The following EPB41L4A variants were observed in gnomAD, a reference collection of about 807,000 sequenced individuals.
The protein encoded by EPB41L4A is band 4.1-like protein 4A.
In EPB41L4A, 100 loss-of-function variants were observed where a neutral mutation model predicts 108.6. The ratio of observed to expected loss-of-function variants is 0.92; its 90% CI spans 0.78 to 1.09. The LOEUF (loss-of-function observed/expected upper bound fraction) is 1.09, where lower values mean the gene tolerates loss of function less well. Among genes scored for constraint, EPB41L4A ranks in the 50% least tolerant of loss-of-function variants. The pLI, the probability that EPB41L4A is intolerant of heterozygous loss-of-function variation, is 0.00. For synonymous variants in EPB41L4A, 319 were observed against 289.0 expected (o/e 1.10, Z -1.05); for missense variants, 1,030 against 842.7 (o/e 1.22, Z -2.75).
intron 17 of EPB41L4A, among the ~76,000 whole-genome samples, chr5:112,187,765 T>A (rs568153747): frequency 1.7e-4 from 26 of 152,194 alleles, no homozygotes; most frequent in Non-Finnish European, 2.9e-4. Flanking sequence ...AAGTTCTTAA[T>A]TCACTTCTAA....
At chr5:112,414,844 T>G (rs1001695891) in intron 1 of EPB41L4A, among the ~76,000 whole-genome samples, 2 of 152,174 alleles carry the variant, frequency 1.3e-5, no homozygotes, top group African/African-American at 4.8e-5. Context: ...CTTTTGAATT[T>G]TAGAAAACTG....
rs1288983970 is a variant in EPB41L4A, at chr5:112,413,344, C to A, written c.99+5597G>T. ...TACAAAAATTAGAGTATCTTGACAA[C>A]AGATTTTTCACAGTGGGATTCACTT... On this transcript the variant is annotated intron_variant, in intron 1 of 22. Coordinates refer to ENST00000261486, the MANE Select transcript of EPB41L4A (RefSeq NM_022140.5). Among the ~76,000 whole-genome samples the A allele has an allele frequency of 9.8e-5, 15 of 152,328 alleles. 1 individual carries two copies. The East Asian group carries it at 1.7e-3, about 18-fold the overall frequency.
At chr5:112,211,014 G>A (rs1389838191) in intron 12 of EPB41L4A, among the ~76,000 whole-genome samples, 1 of 151,690 alleles carries the variant, frequency 6.6e-6, no homozygotes, top group Non-Finnish European at 1.5e-5. Flanking sequence ...CTTACTATGT[G>A]TCAGGTACTA....
intron 12 of EPB41L4A, among the ~76,000 whole-genome samples, chr5:112,211,669 A>T (rs1762752250): frequency 6.6e-6 from 1 of 152,064 alleles, no homozygotes; most frequent in African/African-American, 2.4e-5. Flanking sequence ...AGAGGACAAG[A>T]CAAGAGAAAC....
At chr5:112,182,755 T>C (rs763039174) in intron 18 of EPB41L4A, among the ~76,000 whole-genome samples, 19 of 152,176 alleles carry the variant, frequency 1.2e-4, no homozygotes, top group Non-Finnish European at 2.1e-4. Flanking sequence ...GTAAAGTCCT[T>C]CAGTGAGGTC....
chr5:112,352,272 C>T (rs1292994472), intron 1 of EPB41L4A, among the ~76,000 whole-genome samples: 4 of 152,014 alleles, frequency 2.6e-5, no homozygotes, highest in Non-Finnish European at 4.4e-5. Context: ...TATAAGCTTC[C>T]CTCTTAGCAC....
At chr5:112,387,089 G>A (rs998555715) in intron 1 of EPB41L4A, among the ~76,000 whole-genome samples, 20 of 152,110 alleles carry the variant, frequency 1.3e-4, no homozygotes, top group African/African-American at 2.2e-4. Flanking sequence ...CACACTCCCC[G>A]GCCTCTCCAG....
chr5:112,332,918 G>C (rs550869539), intron 1 of EPB41L4A, among the ~76,000 whole-genome samples: 1 of 152,260 alleles, frequency 6.6e-6, no homozygotes, highest in African/African-American at 2.4e-5. Context: ...CAAGACATTA[G>C]TGCCCAAGGT....
chr5:112,287,881 T>G (rs564947361), intron 2 of EPB41L4A, among the ~76,000 whole-genome samples: 2 of 152,292 alleles, frequency 1.3e-5, no homozygotes, highest in Admixed American at 1.3e-4. Context: ...AATTGCTGAT[T>G]GGCTTCATTT....
intron 1 of EPB41L4A, among the ~76,000 whole-genome samples, chr5:112,357,666 G>C (rs1758449905): frequency 6.6e-6 from 1 of 152,112 alleles, no homozygotes; most frequent in Admixed American, 6.5e-5. Flanking sequence ...ACATTTGCTT[G>C]TCCTCTTTAC....
At chr5:112,217,545 T>C (rs1257856102) in intron 12 of EPB41L4A, among the ~76,000 whole-genome samples, 2 of 152,100 alleles carry the variant, frequency 1.3e-5, no homozygotes, top group African/African-American at 4.8e-5. Flanking sequence ...AAAAAAAGTT[T>C]TTTTAATTAG....
intron 1 of EPB41L4A, among the ~76,000 whole-genome samples, chr5:112,391,574 G>C (rs1417460441): frequency 6.6e-6 from 1 of 152,156 alleles, no homozygotes; most frequent in African/African-American, 2.4e-5. Flanking sequence ...AGAAATATGG[G>C]ACTATGTGAA....
downstream of EPB41L4A, among the ~76,000 whole-genome samples, chr5:112,157,772 T>G (rs1208761713): frequency 6.6e-6 from 1 of 152,234 alleles, no homozygotes; most frequent in Non-Finnish European, 1.5e-5. Flanking sequence ...ATGCACCATA[T>G]TCACAGGTTC....
At chr5:112,258,942 T>C (rs1433493214) in intron 9 of EPB41L4A, among the ~76,000 whole-genome samples, 1 of 152,208 alleles carries the variant, frequency 6.6e-6, no homozygotes, top group Non-Finnish European at 1.5e-5. Context: ...CAGAGAGTAC[T>C]GGAAAGCAAA....
At chr5:112,278,174 T>C (rs1432060853) in intron 3 of EPB41L4A, among the ~76,000 whole-genome samples, 1 of 152,214 alleles carries the variant, frequency 6.6e-6, no homozygotes, top group African/African-American at 2.4e-5. Flanking sequence ...AATAATTTCA[T>C]GAGATAAAAT....
intron 1 of EPB41L4A, among the ~76,000 whole-genome samples, chr5:112,370,248 G>C (rs1759404249): frequency 1.3e-5 from 2 of 150,380 alleles, no homozygotes; most frequent in African/African-American, 4.9e-5. Context: ...TGTTGCCCAG[G>C]CTGGTCTCAA....
chr5:112,208,217 T>C (rs1580434479), intron 13 of EPB41L4A, among the ~76,000 whole-genome samples: 2 of 113,924 alleles, frequency 1.8e-5, no homozygotes, highest in African/African-American at 6.9e-5. Context: ...CTCCACTCCA[T>C]CCTGGCAACA....
chr5:112,404,469 T>C (rs1020281307), intron 1 of EPB41L4A, among the ~76,000 whole-genome samples: 4 of 152,202 alleles, frequency 2.6e-5, no homozygotes, highest in African/African-American at 9.7e-5. Context: ...TTATCTCCCT[T>C]AAGCCTCCCA....
At position 112,404,173 on chromosome 5, in the gene EPB41L4A, C is replaced by A. The variant is rs187068746; in HGVS notation, c.99+14768G>T. ...AAGGCACAGCACTATCTAACTATAT[C>A]ATCTCTCATGAGGCATGGCATTATA... On this transcript the variant is annotated intron_variant, in intron 1 of 22. Transcript: ENST00000261486. Among the ~76,000 whole-genome samples, 3 of 152,344 alleles carry A rather than the reference C, an allele frequency of 2.0e-5. No homozygotes were observed. In the East Asian group the frequency reaches 5.8e-4, roughly 29 times the overall value.
Sources: gnomAD v4.1 joint callset for allele counts (sites outside exome capture counted in the v4.1 genomes callset) on GRCh38, gnomAD v4.1.1 for gene constraint, MANE v1.5 for transcripts, NCBI Gene and HGNC (gene_info 2026-07-23, HGNC 2026-07-21) for gene names.